DKK2: variants seen among roughly 807,000 people sequenced by gnomAD.
DKK2 encodes the protein dickkopf Wnt signaling pathway inhibitor 2, also known as dickkopf-related protein 2.
Under a neutral mutation model 28.1 loss-of-function variants are expected in DKK2, and 11 were observed. The observed-to-expected ratio is 0.39, with a 90% CI of 0.25 to 0.65. The LOEUF (loss-of-function observed/expected upper bound fraction) is 0.65, where lower values mean the gene tolerates loss of function less well. DKK2 is among the 30% of genes least tolerant of loss of function. The pLI, the probability that DKK2 is intolerant of heterozygous loss-of-function variation, is 0.47. For missense variants in DKK2, 326 were observed against 335.5 expected (o/e 0.97, Z 0.22); for synonymous variants, 135 against 126.5 (o/e 1.07, Z -0.45).
chr4:106,955,080 T>G (rs1314889623), intron 1 of DKK2, among the ~76,000 whole-genome samples: 1 of 152,228 alleles, frequency 6.6e-6, no homozygotes, highest in Non-Finnish European at 1.5e-5. Context: ...GAATTTGATT[T>G]ATTCATAAAT....
At chr4:106,947,567 C>G (rs567398780) in intron 1 of DKK2, among the ~76,000 whole-genome samples, 2 of 152,036 alleles carry the variant, frequency 1.3e-5, no homozygotes, top group Non-Finnish European at 2.9e-5. Context: ...ATATCTGTAC[C>G]GTACCTTCTC....
chr4:106,989,525 C>T (rs570976362), intron 1 of DKK2, among the ~76,000 whole-genome samples: 1 of 152,232 alleles, frequency 6.6e-6, no homozygotes, highest in African/African-American at 2.4e-5. Flanking sequence ...ATATTTCCTT[C>T]CATTCAGGGA....
chr4:106,966,238 C>A (rs1473979052), intron 1 of DKK2, among the ~76,000 whole-genome samples: 2 of 152,080 alleles, frequency 1.3e-5, no homozygotes, highest in Non-Finnish European at 2.9e-5. Context: ...AGAATAACCA[C>A]CTCGTAATTT....
rs1217607430 is a variant in DKK2, at chr4:106,957,326, A to G, written c.223-31377T>C. 1.9e-4 allele frequency among the ~76,000 whole-genome samples: 29 copies of G among 151,786 alleles called. 1 individual carries two copies. The highest frequency in any genetic ancestry group is 5.9e-4 in the Admixed American group (9 of 15,276). On this transcript the variant is annotated intron_variant, in intron 1 of 3. Coordinates refer to ENST00000285311, the MANE Select transcript of DKK2 (RefSeq NM_014421.3). ...GGTGGGACTGTAAACTAGTTCAACC[A>G]TTGTGGAAGTCAGTGTGGCGATTCC... is the stretch of plus-strand genomic sequence containing the variant.
chr4:106,956,079 G>A (rs1722585602), intron 1 of DKK2, among the ~76,000 whole-genome samples: 1 of 152,070 alleles, frequency 6.6e-6, no homozygotes, highest in Non-Finnish European at 1.5e-5. Flanking sequence ...AAGATCAGTG[G>A]ATAATTATTG....
chr4:106,973,852 G>A (rs1560583620), intron 1 of DKK2, among the ~76,000 whole-genome samples: 1 of 152,048 alleles, frequency 6.6e-6, no homozygotes, highest in African/African-American at 2.4e-5. Context: ...TTCCTCTAAG[G>A]TTTTTTATTG....
chr4:107,008,883 T>A (rs967405196), intron 1 of DKK2, among the ~76,000 whole-genome samples: 6 of 152,026 alleles, frequency 3.9e-5, no homozygotes, highest in Non-Finnish European at 7.4e-5. Flanking sequence ...AGCAGAAATT[T>A]TCAAGGTCAG....
In DKK2 at chr4:106,959,890, C is replaced by T. The variant is rs1039633033; in HGVS notation, c.223-33941G>A. Among the ~76,000 whole-genome samples the T allele has an allele frequency of 2.6e-5, 4 of 151,752 alleles. No homozygotes were observed. The East Asian group carries it at 7.8e-4, about 29-fold the overall frequency. On this transcript the variant is annotated intron_variant, in intron 1 of 3. Transcript: ENST00000285311. ...CCCTTTCAGAGTTTGTTCAAGATATCAATTTTTAAAACAATTTGCTTAGTG... is the reference window on the plus strand; with the variant it reads ...CCCTTTCAGAGTTTGTTCAAGATATTAATTTTTAAAACAATTTGCTTAGTG...
At chr4:106,950,255 C>T (rs1314989935) in intron 1 of DKK2, among the ~76,000 whole-genome samples, 1 of 152,136 alleles carries the variant, frequency 6.6e-6, no homozygotes, top group African/African-American at 2.4e-5. Context: ...GACCAAAAAC[C>T]TTGGAGCAAT....
intron 1 of DKK2, among the ~76,000 whole-genome samples, chr4:106,952,096 C>A (rs1323313285): frequency 2.6e-5 from 4 of 152,132 alleles, no homozygotes; most frequent in Non-Finnish European, 4.4e-5. Context: ...TGACATGTGG[C>A]CATCAAACTT....
chr4:106,943,116 T>C (rs1448237544), intron 1 of DKK2, among the ~76,000 whole-genome samples: 1 of 152,142 alleles, frequency 6.6e-6, no homozygotes, highest in Non-Finnish European at 1.5e-5. Context: ...ATTTGGAGAT[T>C]ATATCAACTG....
intron 1 of DKK2, among the ~76,000 whole-genome samples, chr4:106,987,792 T>TA (rs937784553): frequency 5.9e-5 from 9 of 151,328 alleles, no homozygotes; most frequent in South Asian, 4.2e-4. Flanking sequence ...TAAATTTCTT[T>TA]AAAAAAAATA....
At chr4:106,945,792 GC>G (rs1448438360) in intron 1 of DKK2, among the ~76,000 whole-genome samples, 3 of 152,108 alleles carry the variant, frequency 2.0e-5, no homozygotes, top group Non-Finnish European at 4.4e-5. Flanking sequence ...GACAAGATTT[GC>G]CGAAAATAAC....
At chr4:106,925,736 T>C (rs1724415064) in intron 2 of DKK2, 63 bp downstream of exon 2, 1 of 1,527,692 alleles carries the variant, frequency 6.5e-7, no homozygotes. Flanking sequence ...TAGCCTGACT[T>C]GAGAGACAGG....
chr4:106,948,689 C>T (rs761526544), intron 1 of DKK2, among the ~76,000 whole-genome samples: 14 of 152,228 alleles, frequency 9.2e-5, no homozygotes, highest in Non-Finnish European at 1.9e-4. Context: ...GTTTGTAGGC[C>T]AGAACCAGAA....
At chr4:106,985,469 C>T (rs1723102887) in intron 1 of DKK2, among the ~76,000 whole-genome samples, 1 of 151,884 alleles carries the variant, frequency 6.6e-6, no homozygotes, top group South Asian at 2.1e-4. Context: ...TTATTTATTA[C>T]GACTGCATGT....
intron 1 of DKK2, among the ~76,000 whole-genome samples, chr4:106,934,168 G>A (rs1283078667): frequency 6.6e-6 from 1 of 152,006 alleles, no homozygotes; most frequent in Non-Finnish European, 1.5e-5. Flanking sequence ...CAGGATTATT[G>A]AGACCAGACA....
chr4:107,021,720 G>C (rs947738722), intron 1 of DKK2, among the ~76,000 whole-genome samples: 4 of 152,016 alleles, frequency 2.6e-5, no homozygotes, highest in African/African-American at 9.7e-5. Context: ...GTTAGAATCA[G>C]ACCTTCTCAG....
At chr4:107,017,429 C>A (rs1051077592) in intron 1 of DKK2, among the ~76,000 whole-genome samples, 2 of 151,904 alleles carry the variant, frequency 1.3e-5, no homozygotes, top group African/African-American at 4.8e-5. Flanking sequence ...CTAATTGAGA[C>A]AATTTTAAAA....
Sources: gnomAD v4.1 joint callset for allele counts (sites outside exome capture counted in the v4.1 genomes callset) on GRCh38, gnomAD v4.1.1 for gene constraint, MANE v1.5 for transcripts, NCBI Gene and HGNC (gene_info 2026-07-23, HGNC 2026-07-21) for gene names.